Variants in PHF3 observed in about 807,000 individuals in gnomAD.
The protein encoded by PHF3 is PHD finger protein 3.
PHF3 carries 41 observed loss-of-function variants against 178.4 expected under a neutral mutation model. That is an observed-to-expected ratio of 0.23 (90% confidence interval 0.18 to 0.30). The LOEUF (loss-of-function observed/expected upper bound fraction) is 0.30, where lower values mean the gene tolerates loss of function less well. Among genes scored for constraint, PHF3 ranks in the 10% least tolerant of loss-of-function variants. The pLI, the probability that PHF3 is intolerant of heterozygous loss-of-function variation, is 1.00. For missense variants in PHF3, 2,346 were observed against 2,398.1 expected (o/e 0.98, Z 0.45); for synonymous variants, 842 against 800.5 (o/e 1.05, Z -0.88).
intron 2 of PHF3, among the ~76,000 whole-genome samples, chr6:63,654,623 A>G (rs1437742150): frequency 6.6e-6 from 1 of 152,210 alleles, no homozygotes; most frequent in Non-Finnish European, 1.5e-5. Context: ...ATGACCTAGT[A>G]GCTGCCATAG....
Position 63,635,832 on chromosome 6 carries a change from G to C in PHF3, c.-344G>C, listed in dbSNP as rs561878625. 55 of 395,832 alleles carry C rather than the reference G, an allele frequency of 1.4e-4. No individual in the cohort carries two copies. Among genetic ancestry groups the C allele is most frequent in the African/African-American group, 9.7e-4 (47 of 48,596 alleles). The allele number at this position is 395,832 out of a possible 1,614,324, so 24.5% of individuals were successfully genotyped here. A position where few individuals can be genotyped will look rare whatever the true frequency, so the allele number is the denominator to read the frequency against. ...GGTCACGTGACACGGCCCCTCTCCA[G>C]CTCCCGCGCCGCCGCCGCACGCCGA... On this transcript the variant is annotated 5_prime_UTR_variant, in exon 1 of 16. Coordinates refer to ENST00000262043, the MANE Select transcript of PHF3 (RefSeq NM_001370348.2).
At chr6:63,700,574 A>G in intron 9 of PHF3, 108 bp downstream of exon 9, 2 of 592,000 alleles carry the variant, frequency 3.4e-6, no homozygotes, top group Non-Finnish European at 6.1e-6. Flanking sequence ...AATAACACAG[A>G]CTTTCTGTTA....
intron 2 of PHF3, among the ~76,000 whole-genome samples, chr6:63,665,788 C>T (rs1457937898): frequency 6.6e-6 from 1 of 151,974 alleles, no homozygotes; most frequent in Non-Finnish European, 1.5e-5. Context: ...TGCACCTGGC[C>T]TAAAATTACT....
rs992086722 is a variant in PHF3, at chr6:63,706,019, C to T, written c.3368-10C>T. 3 of 1,601,224 alleles carry T rather than the reference C, an allele frequency of 1.9e-6. No individual in the cohort carries two copies. Among genetic ancestry groups the T allele is most frequent in the African/African-American group, 2.7e-5 (2 of 74,248 alleles). ...AACAGTTGGTTTCTTTTGATGTATT[C>T]TGGGCTTAGGTCGAATGGCACCACC... On this transcript the variant is annotated splice_polypyrimidine_tract_variant and intron_variant, in intron 11 of 15. Transcript: ENST00000262043.
At chr6:63,695,028 C>G (rs1308059450) in intron 6 of PHF3, among the ~76,000 whole-genome samples, 3 of 151,986 alleles carry the variant, frequency 2.0e-5, no homozygotes, top group Admixed American at 2.0e-4. Context: ...AGTAAGTTTG[C>G]AAGTAAGAAA....
In PHF3 at chr6:63,714,295, T is replaced by C. The variant is rs559611295; in HGVS notation, c.*587T>C. On this transcript the variant is annotated 3_prime_UTR_variant, in exon 16 of 16. Transcript: ENST00000262043. ...TCATTTATTACCATATACTACAGCT[T>C]TGTGGTAGGCCATTATTTTCATTTT... The C allele has an allele frequency of 1.4e-4, 22 of 152,720 alleles. No homozygotes were observed. Among genetic ancestry groups the C allele is most frequent in the African/African-American group, 5.3e-4 (22 of 41,566 alleles). 9.5% of individuals were successfully genotyped at this position (152,720 alleles called of 1,614,324 possible).
In PHF3 at chr6:63,720,780, A is replaced by G. The variant is rs1472438554; in HGVS notation, c.*7072A>G. On this transcript the variant is annotated 3_prime_UTR_variant, in exon 16 of 16. Transcript: ENST00000262043. ...ATATTCAAAGCCCCCTAGATAACAA[A>G]TGCCATCATAGTTTAGAGCCACAAA... The G allele has an allele frequency of 6.4e-7, 1 of 1,550,858 alleles. No homozygotes were observed. The highest frequency in any genetic ancestry group is 8.7e-7 in the Non-Finnish European group (1 of 1,146,446).
In PHF3 at chr6:63,694,724, T is replaced by C. The variant is rs1183244807; in HGVS notation, c.2640T>C (p.Ser880=). The stretch of plus-strand genomic sequence containing the variant: ...AAAGTGAAAAAATACCGAAAGAGTC[T>C]ACAACTGTTACTTGCACAGGAGAAA... The part of the protein sequence containing the change: ...EEKSEKIPKE[S]TTVTCTGEKA... The change falls in exon 6 of 16, where the codon TCT becomes TCC. Residue 880 remains serine, a synonymous_variant. Coordinates refer to ENST00000262043, the MANE Select transcript of PHF3 (RefSeq NM_001370348.2). 2 of 1,575,912 alleles carry C rather than the reference T, an allele frequency of 1.3e-6. No homozygotes were observed. Among genetic ancestry groups the C allele is most frequent in the Non-Finnish European group, 8.6e-7 (1 of 1,161,472 alleles).
rs1170747693 is a variant in PHF3, at chr6:63,725,618, TA to T, written c.*11911del. Among the ~76,000 whole-genome samples the T allele has an allele frequency of 1.3e-5, 2 of 152,124 alleles. No individual in the cohort carries two copies. Among genetic ancestry groups the T allele is most frequent in the Admixed American group, 1.3e-4 (2 of 15,272 alleles). On this transcript the variant is annotated 3_prime_UTR_variant, in exon 16 of 16. Coordinates refer to ENST00000262043, the MANE Select transcript of PHF3 (RefSeq NM_001370348.2). ...AACAAATTTCTTCTGAGCTGTATTT[TA>T]TAGCTCAATTGTACTTTTTCTCTTT...
chr6:63,708,836 G>T (rs1767802464), intron 13 of PHF3, among the ~76,000 whole-genome samples: 1 of 152,114 alleles, frequency 6.6e-6, no homozygotes. Context: ...GAAATGTGTT[G>T]TGTTCTTTCT....
At chr6:63,699,116 A>C (rs1157354616) in intron 8 of PHF3, among the ~76,000 whole-genome samples, 1 of 152,196 alleles carries the variant, frequency 6.6e-6, no homozygotes, top group Non-Finnish European at 1.5e-5. Flanking sequence ...AGTAAATGTT[A>C]ATTAAACCCC....
chr6:63,693,790 G>A (rs1644565658), intron 5 of PHF3, among the ~76,000 whole-genome samples: 1 of 152,138 alleles, frequency 6.6e-6, no homozygotes, highest in Non-Finnish European at 1.5e-5. Flanking sequence ...TCTTGGACTT[G>A]TCTGATGTTA....
Position 63,702,556 on chromosome 6 carries a change from A to G in PHF3, c.3148A>G (p.Ile1050Val), listed in dbSNP as rs752697347. The G allele has an allele frequency of 2.7e-5, 44 of 1,612,582 alleles. No homozygotes were observed. In the South Asian group the frequency reaches 3.0e-4, roughly 11 times the overall value. ...GCAGAGAGAAGTGGAACGACGGCCA[A>G]TCACCAAAATAACTCATAAAGGTGA... ...KEQREVERRP[I>V]TKITHKGEIE... is the part of the protein sequence containing the mutation. Residue 1050 changes from isoleucine (I) to valine (V), a missense_variant, in exon 10 of 16, where the codon ATC becomes GTC. By Grantham distance (29) the Ile-to-Val change is conservative (BLOSUM62 3). Around this residue, in one of 8 missense-constraint regions of PHF3, gnomAD observed 45 missense variants for 87.9 expected, o/e 0.51. Coordinates refer to ENST00000262043, the MANE Select transcript of PHF3 (RefSeq NM_001370348.2).
At chr6:63,686,065 G>C in intron 4 of PHF3, 154 bp downstream of exon 4, 2 of 579,112 alleles carry the variant, frequency 3.5e-6, no homozygotes, top group Non-Finnish European at 6.0e-6. Flanking sequence ...ATAAATGATA[G>C]AAAGATGGAT....
At chr6:63,640,010 A>G (rs1351951440) in intron 1 of PHF3, among the ~76,000 whole-genome samples, 2 of 152,190 alleles carry the variant, frequency 1.3e-5, no homozygotes, top group Non-Finnish European at 2.9e-5. Context: ...ATCCTTTCCT[A>G]GGGACTTAGG....
rs1376384691 is a variant in PHF3, at chr6:63,712,787, A to G, written c.5199A>G (p.Ala1733=). 6.2e-7 allele frequency: 1 copy of G among 1,613,900 alleles called. No homozygotes were observed. The highest frequency in any genetic ancestry group is 1.3e-5 in the African/African-American group (1 of 74,918). ...TAGAAAACATACAGACTTCTCAAGC[A>G]GAACAAGCAAAACCCTTACAGGAGG... ...PSVENIQTSQ[A]EQAKPLQEDI... The change falls in exon 16 of 16, where the codon GCA becomes GCG. Residue 1733 remains alanine, a synonymous_variant. Coordinates refer to ENST00000262043, the MANE Select transcript of PHF3 (RefSeq NM_001370348.2).
At chr6:63,660,854 A>G (rs867757513) in intron 2 of PHF3, among the ~76,000 whole-genome samples, 29 of 152,106 alleles carry the variant, frequency 1.9e-4, no homozygotes, top group African/African-American at 6.5e-4. Context: ...ATAAAAGGCA[A>G]TGCCTTTTCA....
intron 13 of PHF3, among the ~76,000 whole-genome samples, chr6:63,708,475 G>A (rs995592566): frequency 4.0e-5 from 6 of 150,990 alleles, no homozygotes; most frequent in Admixed American, 4.0e-4. Flanking sequence ...TTTTAGTTTG[G>A]ACTGAAATCC....
chr6:63,637,037 C>T (rs912423420), intron 1 of PHF3, among the ~76,000 whole-genome samples: 4 of 152,064 alleles, frequency 2.6e-5, no homozygotes, highest in African/African-American at 7.2e-5. Context: ...TAGTGCTTTC[C>T]AGTAGTCACG....
Sources: gnomAD v4.1 joint callset for allele counts (sites outside exome capture counted in the v4.1 genomes callset) on GRCh38, gnomAD v4.1.1 for gene constraint, gnomAD v4.1.1 regional missense constraint, MANE v1.5 for transcripts, NCBI Gene and HGNC (gene_info 2026-07-23, HGNC 2026-07-21) for gene names.